RBFOX1: variants seen among roughly 807,000 people sequenced by gnomAD.
RBFOX1 encodes RNA binding fox-1 homolog 1.
A neutral mutation model predicts 57.7 loss-of-function variants in RBFOX1; 8 were observed. The ratio of observed to expected loss-of-function variants is 0.14; its 90% CI spans 0.08 to 0.25. RBFOX1 has a LOEUF of 0.25. Ranked by LOEUF, RBFOX1 falls within the 10% of genes least tolerant of loss-of-function variation. RBFOX1 has a pLI of 1.00. For missense variants in RBFOX1, 611 were observed against 548.5 expected (o/e 1.11, Z -1.14); for synonymous variants, 326 against 222.4 (o/e 1.47, Z -4.15).
At chr16:6,700,749 C>T (rs1453279421) in intron 3 of RBFOX1, among the ~76,000 whole-genome samples, 1 of 152,102 alleles carries the variant, frequency 6.6e-6, no homozygotes, top group Non-Finnish European at 1.5e-5. Flanking sequence ...TCTTGAAACT[C>T]AAAATTTCAT....
At chr16:6,382,106 ATACT>A (rs1451825145) in intron 2 of RBFOX1, among the ~76,000 whole-genome samples, 22 of 152,288 alleles carry the variant, frequency 1.4e-4, no homozygotes, top group African/African-American at 3.6e-4. Flanking sequence ...TGTTCCAATA[ATACT>A]TTATTTATGG....
intron 3 of RBFOX1, among the ~76,000 whole-genome samples, chr16:6,809,101 A>C (rs902514639): frequency 6.6e-6 from 1 of 152,160 alleles, no homozygotes; most frequent in Non-Finnish European, 1.5e-5. Flanking sequence ...AAGTGTTCAA[A>C]AAAGGCAAAC....
At chr16:6,866,541 A>ATTTTTTTTTTTTTTTTTTTTTTTTTT (rs56678526) in intron 3 of RBFOX1, among the ~76,000 whole-genome samples, 2 of 78,878 alleles carry the variant, frequency 2.5e-5, no homozygotes, top group Non-Finnish European at 4.4e-5. Flanking sequence ...CTTTCCTTCT[A>ATTTTTTTTTTTTTTTTTTTTTTTTTT]TTTTTTTTTT....
chr16:6,994,186 A>T (rs2091928939), intron 3 of RBFOX1, among the ~76,000 whole-genome samples: 1 of 152,140 alleles, frequency 6.6e-6, no homozygotes, highest in Admixed American at 6.5e-5. Context: ...GCTCCTTTCC[A>T]GTCTGCAAAA....
chr16:6,164,086 G>A (rs1300566288), intron 1 of RBFOX1, among the ~76,000 whole-genome samples: 1 of 152,044 alleles, frequency 6.6e-6, no homozygotes, highest in Non-Finnish European at 1.5e-5. Flanking sequence ...TAGTCCTCAC[G>A]CTGTACTCAA....
intron 4 of RBFOX1, among the ~76,000 whole-genome samples, chr16:5,989,880 A>ACACACACACACACC (rs33912010): frequency 0.11 from 14,496 of 127,088 alleles, 1,147 homozygotes; most frequent in Middle Eastern, 0.2. Flanking sequence ...ACACACACAC[A>ACACACACACACACC]CCACCCCTGT....
rs534016863 is a variant in RBFOX1 at position 5,479,901 on chromosome 16, C to G, written c.258+12647C>G. ...CAGGCATTTTGCTCAGATGCAGTGG[C>G]ACAGACTGGTCTTCAGTGTCCAGGG... On this transcript the variant is annotated intron_variant, in intron 2 of 2. Transcript: ENST00000585867. 1.6e-4 allele frequency among the ~76,000 whole-genome samples: 25 copies of G among 152,318 alleles called. No homozygotes were observed. In the South Asian group the frequency reaches 4.6e-3, roughly 28 times the overall value.
chr16:7,072,920 C>T (rs115951697), intron 4 of RBFOX1, among the ~76,000 whole-genome samples: 1,538 of 152,268 alleles, frequency 0.01, 30 homozygotes, highest in African/African-American at 0.035. Flanking sequence ...CCGGTTGCTA[C>T]AGAAAGGACA....
rs183753193 is a variant in RBFOX1 at position 6,565,370 on chromosome 16, G to T, written c.-63-89233G>T. Among the ~76,000 whole-genome samples the T allele has an allele frequency of 5.1e-4, 78 of 151,916 alleles. No individual in the cohort carries two copies. The East Asian group carries it at 0.014, about 27-fold the overall frequency. On this transcript the variant is annotated intron_variant, in intron 2 of 15. Transcript: ENST00000550418. Reference sequence around the variant, plus strand: ...CTCCCAGATTCAAGCTGATTCTCCTGCCTCAGCCTCCCAAGTAGCTGGAAC... The same window carrying T: ...CTCCCAGATTCAAGCTGATTCTCCTTCCTCAGCCTCCCAAGTAGCTGGAAC...
At chr16:5,544,020 G>A (rs561796464) in intron 2 of RBFOX1, among the ~76,000 whole-genome samples, 40 of 152,308 alleles carry the variant, frequency 2.6e-4, no homozygotes, top group African/African-American at 9.6e-4. Context: ...ACAGAGAGTA[G>A]ATAGAAAGTG....
intron 5 of RBFOX1, among the ~76,000 whole-genome samples, chr16:7,570,378 A>T (rs2092649748): frequency 6.6e-6 from 1 of 152,116 alleles, no homozygotes; most frequent in African/African-American, 2.4e-5. Flanking sequence ...TCCCCTACTG[A>T]GCACAGAACT....
intron 5 of RBFOX1, among the ~76,000 whole-genome samples, chr16:7,535,615 C>T (rs1042698615): frequency 2.0e-5 from 3 of 152,166 alleles, no homozygotes; most frequent in African/African-American, 7.2e-5. Context: ...TTTCCTGACA[C>T]CACCTCAAAA....
chr16:6,305,105 G>C (rs192311662), intron 1 of RBFOX1, among the ~76,000 whole-genome samples: 1 of 152,282 alleles, frequency 6.6e-6, no homozygotes, highest in Admixed American at 6.5e-5. Context: ...TCTTGTAAAA[G>C]CACATCAATC....
rs530439965 is a variant in RBFOX1 at position 5,770,621 on chromosome 16, C to T, written c.319-96682C>T. 2.8e-4 allele frequency among the ~76,000 whole-genome samples: 43 copies of T among 152,146 alleles called. 1 individual carries two copies. The South Asian group carries it at 7.5e-3, about 27-fold the overall frequency. On this transcript the variant is annotated intron_variant, in intron 3 of 19. Coordinates refer to the RBFOX1 transcript ENST00000641259. ...CTGTTCTCTGTTGCTCTAGTAAACACGCTTTGCTTTCATTTTACTCTGTTG... is the reference window on the plus strand; with the variant it reads ...CTGTTCTCTGTTGCTCTAGTAAACATGCTTTGCTTTCATTTTACTCTGTTG...
At chr16:6,026,682 T>C (rs1459383071) in intron 1 of RBFOX1, among the ~76,000 whole-genome samples, 2 of 152,200 alleles carry the variant, frequency 1.3e-5, no homozygotes, top group African/African-American at 4.8e-5. Flanking sequence ...TACTTTATCG[T>C]TGTGTAAGAG....
chr16:7,249,923 A>C (rs149655819), intron 4 of RBFOX1, among the ~76,000 whole-genome samples: 4 of 152,348 alleles, frequency 2.6e-5, no homozygotes, highest in Non-Finnish European at 5.9e-5. Flanking sequence ...TTACACTCTC[A>C]ACAGTAGTGT....
At chr16:7,292,709 G>A (rs986841191) in intron 4 of RBFOX1, among the ~76,000 whole-genome samples, 1 of 151,606 alleles carries the variant, frequency 6.6e-6, no homozygotes, top group South Asian at 2.1e-4. Context: ...GTCCAGCCAG[G>A]GACATATATA....
chr16:7,282,758 A>C (rs1043823892), intron 4 of RBFOX1, among the ~76,000 whole-genome samples: 2 of 152,112 alleles, frequency 1.3e-5, no homozygotes, highest in African/African-American at 2.4e-5. Context: ...TGAGTCCCCA[A>C]AGTCCACTGT....
At chr16:5,642,871 G>C (rs1039345256) in intron 3 of RBFOX1, among the ~76,000 whole-genome samples, 1 of 152,176 alleles carries the variant, frequency 6.6e-6, no homozygotes, top group East Asian at 1.9e-4. Context: ...GGCCCCTAGA[G>C]TGAGGGGGTC....
Sources: gnomAD v4.1 joint callset for allele counts (sites outside exome capture counted in the v4.1 genomes callset) on GRCh38, gnomAD v4.1.1 for gene constraint, MANE v1.5 for transcripts, NCBI Gene and HGNC (gene_info 2026-07-23, HGNC 2026-07-21) for gene names.